RNF141: variants seen among roughly 807,000 people sequenced by gnomAD.
RNF141 encodes ring finger protein 141.
In RNF141, 18 loss-of-function variants were observed where a neutral mutation model predicts 27.4. The ratio of observed to expected loss-of-function variants is 0.66; its 90% CI spans 0.45 to 0.97. The LOEUF is 0.97. Ranked by LOEUF, RNF141 falls within the 50% of genes least tolerant of loss-of-function variation. The probability of loss-of-function intolerance (pLI) is 0.00; values close to 1 mark genes in which losing one functional copy is unlikely to be tolerated. For synonymous variants in RNF141, 97 were observed against 96.6 expected, an observed-to-expected ratio of 1.00 and a Z score of -0.02; for missense variants, 230 against 279.4, an observed-to-expected ratio of 0.82 and a Z score of 1.26.
intron 1 of RNF141, among the ~76,000 whole-genome samples, chr11:10,534,620 A>C (rs753409216): frequency 2.6e-4 from 40 of 152,126 alleles, no homozygotes; most frequent in Non-Finnish European, 2.8e-4. Context: ...ATATTATGTC[A>C]ATTACTTCTT....
Position 10,531,821 on chromosome 11 carries a change from A to C in RNF141, c.144-1070T>G, listed in dbSNP as rs79708961. The C allele has an allele frequency of 5.7e-4, 139 of 242,740 alleles. 1 individual carries two copies. Among genetic ancestry groups the C allele is most frequent in the Admixed American group, 1.0e-3 (18 of 17,422 alleles). The allele number at this position is 242,740 out of a possible 1,614,324, so 15.0% of individuals were successfully genotyped here. A position where few individuals can be genotyped will look rare whatever the true frequency, so the allele number is the denominator to read the frequency against. On this transcript the variant is annotated intron_variant, in intron 2 of 5. Coordinates refer to ENST00000265981, the MANE Select transcript of RNF141 (RefSeq NM_016422.4). ...AAATGAGGCCATCGAAAGTTAAGCA[A>C]CTAGCCTTAGGAAACAAAGTCTTCG...
chr11:10,540,032 T>G (rs1208727663), intron 1 of RNF141, among the ~76,000 whole-genome samples: 1 of 152,082 alleles, frequency 6.6e-6, no homozygotes, highest in Non-Finnish European at 1.5e-5. Context: ...AAGAAAAGGA[T>G]AAAAATCCAT....
chr11:10,525,154 A>C, intron 4 of RNF141, 38 bp downstream of exon 4: 3 of 1,413,306 alleles, frequency 2.1e-6, no homozygotes, highest in Non-Finnish European at 2.9e-6. Context: ...TTTTCATATT[A>C]GAAAATAAGT....
intron 3 of RNF141, among the ~76,000 whole-genome samples, chr11:10,526,468 GA>G (rs35958938): frequency 6.6e-6 from 1 of 151,962 alleles, no homozygotes; most frequent in African/African-American, 2.4e-5. Context: ...AAAAGGCAGG[GA>G]AAAAAATACT....
At chr11:10,538,918 A>G (rs916609504) in intron 1 of RNF141, among the ~76,000 whole-genome samples, 2 of 152,244 alleles carry the variant, frequency 1.3e-5, no homozygotes, top group African/African-American at 4.8e-5. Flanking sequence ...TTTGCAAACC[A>G]CTGGCACAGA....
intron 2 of RNF141, among the ~76,000 whole-genome samples, chr11:10,532,496 TACACACACACACAC>T (rs10559393): frequency 4.6e-4 from 61 of 131,258 alleles, no homozygotes; most frequent in South Asian, 1.8e-3. Flanking sequence ...GTTCATTTTC[TACACACACACACAC>T]ACACACACAC....
At chr11:10,517,053 T>C (rs1231729899) in intron 5 of RNF141, 1 of 146,260 alleles carries the variant, frequency 6.8e-6, no homozygotes, top group African/African-American at 2.5e-5. Context: ...AAGAGAAAAA[T>C]CAATCATAAC....
intron 4 of RNF141, among the ~76,000 whole-genome samples, chr11:10,524,515 G>A (rs898789148): frequency 2.0e-5 from 3 of 152,160 alleles, no homozygotes; most frequent in African/African-American, 4.8e-5. Flanking sequence ...ATGTCAACAT[G>A]TTTGGACCCA....
intron 3 of RNF141, among the ~76,000 whole-genome samples, chr11:10,528,416 TTTTG>T: frequency 6.6e-6 from 1 of 152,352 alleles, no homozygotes; most frequent in Non-Finnish European, 1.5e-5. Context: ...CCTTTAGTAC[TTTTG>T]TTTCTCTACT....
intron 1 of RNF141, among the ~76,000 whole-genome samples, chr11:10,536,708 C>T (rs907734718): frequency 6.6e-6 from 1 of 152,218 alleles, no homozygotes; most frequent in African/African-American, 2.4e-5. Context: ...AAGCAATCCT[C>T]CCGCCTCGGC....
intron 5 of RNF141, chr11:10,517,821 C>G (rs1159677132): frequency 1.3e-5 from 2 of 152,138 alleles, no homozygotes. Flanking sequence ...TACAAAAATA[C>G]TACCAGAACT....
chr11:10,516,511 A>T (rs908662366), intron 5 of RNF141: 1 of 152,322 alleles, frequency 6.6e-6, no homozygotes, highest in African/African-American at 2.4e-5. Context: ...TTGGGGGGCC[A>T]AACAGCTAGG....
At chr11:10,529,185 A>G (rs1341404809) in intron 3 of RNF141, among the ~76,000 whole-genome samples, 1 of 152,240 alleles carries the variant, frequency 6.6e-6, no homozygotes, top group Non-Finnish European at 1.5e-5. Context: ...AATCTAAACC[A>G]ATCATGCTAA....
At position 10,519,751 on chromosome 11, in the gene RNF141, G is replaced by A. The variant is rs546989070; in HGVS notation, c.435-610C>T. ...CACAGAGAAGGTACTGTGTAAATAC[G>A]GTATACAAGATTAAAAATGGTACAC... is the stretch of plus-strand genomic sequence containing the variant. On this transcript the variant is annotated intron_variant, in intron 4 of 5. Transcript: ENST00000265981. 6.7e-4 allele frequency among the ~76,000 whole-genome samples: 98 copies of A among 147,090 alleles called. 1 individual carries two copies. The highest frequency in any genetic ancestry group is 2.3e-3 in the African/African-American group (93 of 40,912).
rs902139766 is a variant in RNF141 at position 10,511,784 on chromosome 11, C to T, written c.*3132G>A. 4 of 152,488 alleles carry T rather than the reference C, an allele frequency of 2.6e-5. No individual in the cohort carries two copies. Among genetic ancestry groups the T allele is most frequent in the Admixed American group, 2.6e-4 (4 of 15,268 alleles). 9.4% of individuals were successfully genotyped at this position (152,488 alleles called of 1,614,324 possible). ...AGATATATATTAGATATAAGGAAAT[C>T]GAGTCCAATTTGAAATGAATTTTAA... is the stretch of plus-strand genomic sequence containing the variant. On this transcript the variant is annotated 3_prime_UTR_variant, in exon 6 of 6. Coordinates refer to ENST00000265981, the MANE Select transcript of RNF141 (RefSeq NM_016422.4).
In RNF141 at chr11:10,512,417, A is replaced by G. The variant is rs1849808809; in HGVS notation, c.*2499T>C. On this transcript the variant is annotated 3_prime_UTR_variant, in exon 6 of 6. Transcript: ENST00000265981. ...CACAGTAGATCAGTAAGTGTCTTGG[A>G]GCTCATATTGTAAAATAAAAAGGTT... The G allele has an allele frequency of 6.6e-6, 1 of 152,620 alleles. No individual in the cohort carries two copies. The highest frequency in any genetic ancestry group is 1.5e-5 in the Non-Finnish European group (1 of 68,018). 9.5% of individuals were successfully genotyped at this position (152,620 alleles called of 1,614,324 possible).
intron 3 of RNF141, among the ~76,000 whole-genome samples, chr11:10,529,587 A>C (rs1460073633): frequency 6.6e-6 from 1 of 152,242 alleles, no homozygotes; most frequent in Non-Finnish European, 1.5e-5. Flanking sequence ...TTTGGTAGGC[A>C]AGAAGGAATT....
intron 2 of RNF141, among the ~76,000 whole-genome samples, chr11:10,533,004 C>G (rs1850001987): frequency 6.6e-6 from 1 of 152,160 alleles, no homozygotes; most frequent in Admixed American, 6.5e-5. Flanking sequence ...CTTGCACATA[C>G]TATGTGCTTA....
chr11:10,531,412 A>T (rs1273559067), intron 2 of RNF141, among the ~76,000 whole-genome samples: 2 of 151,468 alleles, frequency 1.3e-5, no homozygotes, highest in Non-Finnish European at 2.9e-5. Flanking sequence ...CATTTATCAA[A>T]ATTTTTTGAC....
Sources: gnomAD v4.1 joint callset for allele counts (sites outside exome capture counted in the v4.1 genomes callset) on GRCh38, gnomAD v4.1.1 for gene constraint, MANE v1.5 for transcripts, NCBI Gene and HGNC (gene_info 2026-07-23, HGNC 2026-07-21) for gene names.